ABI3BP: variants seen among roughly 807,000 people sequenced by gnomAD.
ABI3BP encodes target of Nesh-SH3.
ABI3BP carries 216 observed loss-of-function variants against 268.6 expected under a neutral mutation model. The observed-to-expected ratio is 0.80, with a 90% CI of 0.72 to 0.90. The LOEUF is 0.90. ABI3BP is among the 40% of genes least tolerant of loss of function. The pLI is 0.00. For synonymous variants in ABI3BP, 730 were observed against 730.0 expected (o/e 1.00, Z 0.00); for missense variants, 2,090 against 2,182.4 (o/e 0.96, Z 0.84).
In ABI3BP at chr3:100,911,553, T is replaced by G. The variant is rs574436682; in HGVS notation, c.260-8867A>C. 2.0e-4 allele frequency: 121 copies of G among 606,740 alleles called. No individual in the cohort carries two copies. In the African/African-American group the frequency reaches 2.1e-3, roughly 11 times the overall value. The allele number at this position is 606,740 out of a possible 1,614,324, so 37.6% of individuals were successfully genotyped here. ...GTAATGAAGCATTACATATTTTATC[T>G]TATGTACCTCCTTTACTGATCCATC... On this transcript the variant is annotated intron_variant, in intron 2 of 67. Transcript: ENST00000471714.
At chr3:100,959,323 T>C (rs1358691082) in intron 1 of ABI3BP, among the ~76,000 whole-genome samples, 2 of 151,104 alleles carry the variant, frequency 1.3e-5, no homozygotes, top group Non-Finnish European at 3.0e-5. Context: ...ACCCCGTCTC[T>C]ACTAAAAATA....
chr3:100,851,890 A>T lies in ABI3BP; in HGVS notation c.1336T>A (p.Ser446Thr). The change falls in exon 15 of 68, where the codon TCA (serine) becomes ACA (threonine). Residue 446 changes from serine (S) to threonine (T), a missense_variant. Physicochemically the swap from Ser to Thr is moderately conservative, Grantham distance 58. Coordinates refer to ENST00000471714, the MANE Select transcript of ABI3BP (RefSeq NM_001375547.2). ...CCAGATATACCTGTGTAGGAATCTG[A>T]TATCTCAGGCTCATCTGATGTTGTA... ...SPTTSDEPEI[S>T]DSYTATSDRI... 6.3e-6 allele frequency: 10 copies of T among 1,593,646 alleles called. No individual in the cohort carries two copies. Among genetic ancestry groups the T allele is most frequent in the Non-Finnish European group, 8.5e-6 (10 of 1,170,048 alleles).
rs1554076989 is a variant in ABI3BP, at chr3:100,894,956, A to AAAAAAAAACAAAAACAAAC, written c.461+3805_461+3806insGTTTGTTTTTGTTTTTTTT. ...TCCGCTTCAAAAAAAAAAAAAAAAAAAAAAAAAAAAACAGAAAAAAAAAAC... is the reference window on the plus strand; with the variant it reads ...TCCGCTTCAAAAAAAAAAAAAAAAAAAAAAAAAACAAAAACAAACAAAAAAAAAAACAGAAAAAAAAAAC... On this transcript the variant is annotated intron_variant, in intron 4 of 67. Transcript: ENST00000471714. Among the ~76,000 whole-genome samples the AAAAAAAAACAAAAACAAAC allele has an allele frequency of 1.4e-4, 18 of 131,544 alleles. 1 individual carries two copies. The highest frequency in any genetic ancestry group is 2.6e-4 in the Non-Finnish European group (15 of 57,496). 86.3% of individuals were successfully genotyped at this position (131,544 alleles called of 152,430 possible).
intron 13 of ABI3BP, 58 bp from the exon 14 acceptor site, chr3:100,862,443 G>A (rs930622807): frequency 1.2e-5 from 14 of 1,206,220 alleles, no homozygotes; most frequent in South Asian, 7.1e-5. Flanking sequence ...ACAGGAGAAC[G>A]AGACAGAAAT....
chr3:100,938,483 C>T (rs186255211), intron 1 of ABI3BP, among the ~76,000 whole-genome samples: 1 of 152,164 alleles, frequency 6.6e-6, no homozygotes, highest in African/African-American at 2.4e-5. Flanking sequence ...AGTAATTTCC[C>T]TGTGACAATG....
At chr3:100,770,250 G>C (rs2096500126) in intron 62 of ABI3BP, among the ~76,000 whole-genome samples, 1 of 152,090 alleles carries the variant, frequency 6.6e-6, no homozygotes, top group African/African-American at 2.4e-5. Flanking sequence ...ATCATTTTTA[G>C]AGGAATTGGT....
chr3:100,930,452 A>G (rs1251830070), intron 1 of ABI3BP, among the ~76,000 whole-genome samples: 1 of 151,980 alleles, frequency 6.6e-6, no homozygotes, highest in Admixed American at 6.6e-5. Flanking sequence ...GCATCTGTTA[A>G]TATTTCAAAG....
intron 2 of ABI3BP, among the ~76,000 whole-genome samples, chr3:100,915,308 C>A (rs943494172): frequency 1.3e-5 from 2 of 152,172 alleles, no homozygotes; most frequent in African/African-American, 4.8e-5. Flanking sequence ...ATTGCCATTT[C>A]TGCACTGGGA....
intron 1 of ABI3BP, among the ~76,000 whole-genome samples, chr3:100,982,211 A>C (rs888399488): frequency 1.3e-5 from 2 of 152,046 alleles, no homozygotes; most frequent in Admixed American, 6.5e-5. Context: ...ACCTCCCACC[A>C]AGTTCCACCC....
At chr3:100,825,570 A>G (rs1480244671) in intron 35 of ABI3BP, among the ~76,000 whole-genome samples, 1 of 152,242 alleles carries the variant, frequency 6.6e-6, no homozygotes, top group East Asian at 1.9e-4. Flanking sequence ...TTTTGAGTTA[A>G]GCTCATGCCT....
At chr3:100,951,546 A>T (rs913460674) in intron 1 of ABI3BP, among the ~76,000 whole-genome samples, 1 of 151,954 alleles carries the variant, frequency 6.6e-6, no homozygotes, top group African/African-American at 2.4e-5. Flanking sequence ...TTTGTGAACC[A>T]CTGACACTTT....
chr3:100,797,856 T>C (rs2152272405), intron 51 of ABI3BP, among the ~76,000 whole-genome samples: 1 of 152,200 alleles, frequency 6.6e-6, no homozygotes, highest in African/African-American at 2.4e-5. Flanking sequence ...TTAAAAAGAT[T>C]AGTGGTTGAT....
At chr3:100,802,560 A>G (rs529070634) in intron 51 of ABI3BP, among the ~76,000 whole-genome samples, 1 of 152,260 alleles carries the variant, frequency 6.6e-6, no homozygotes, top group African/African-American at 2.4e-5. Flanking sequence ...AGATAATTCA[A>G]CTGAGTGGCT....
At chr3:100,831,860 T>C (rs2098500644) in intron 31 of ABI3BP, among the ~76,000 whole-genome samples, 2 of 152,248 alleles carry the variant, frequency 1.3e-5, no homozygotes, top group Admixed American at 6.5e-5. Flanking sequence ...CGTTTCTAAC[T>C]GGTTATGCAG....
At chr3:100,773,502 T>C (rs1205362855) in intron 61 of ABI3BP, among the ~76,000 whole-genome samples, 1 of 152,200 alleles carries the variant, frequency 6.6e-6, no homozygotes, top group African/African-American at 2.4e-5. Context: ...TCATCTCTGC[T>C]GATAGAAAGG....
intron 20 of ABI3BP, 77 bp downstream of exon 20, chr3:100,846,295 T>G: frequency 1.0e-6 from 1 of 985,804 alleles, no homozygotes; most frequent in Admixed American, 2.8e-5. Context: ...AAATCAGAAA[T>G]TCTTGCTCCA....
chr3:100,841,220 T>TTTTTTTTTTTTTTTTTTTTG (rs1560681726), intron 21 of ABI3BP, among the ~76,000 whole-genome samples: 12 of 119,592 alleles, frequency 1.0e-4, no homozygotes, highest in Non-Finnish European at 1.4e-4. Flanking sequence ...TTTTTTTTTT[T>TTTTTTTTTTTTTTTTTTTTG]TTTTTTTGCT....
At chr3:100,978,094 C>A (rs2087211991) in intron 1 of ABI3BP, among the ~76,000 whole-genome samples, 2 of 152,176 alleles carry the variant, frequency 1.3e-5, no homozygotes, top group Non-Finnish European at 2.9e-5. Context: ...CACAAGTGTA[C>A]TAGTCTACAT....
At chr3:100,823,066 A>C (rs2098275226) in intron 37 of ABI3BP, among the ~76,000 whole-genome samples, 1 of 152,148 alleles carries the variant, frequency 6.6e-6, no homozygotes, top group African/African-American at 2.4e-5. Flanking sequence ...ACCTTATTAG[A>C]GACAAAACAA....
Sources: gnomAD v4.1 joint callset for allele counts (sites outside exome capture counted in the v4.1 genomes callset) on GRCh38, gnomAD v4.1.1 for gene constraint, MANE v1.5 for transcripts, NCBI Gene and HGNC (gene_info 2026-07-23, HGNC 2026-07-21) for gene names.